The following SLC38A6 variants were observed in gnomAD, a reference collection of about 807,000 sequenced individuals.
SLC38A6 encodes the protein N system amino acid transporter NAT-1.
A neutral mutation model predicts 65.0 loss-of-function variants in SLC38A6; 73 were observed. The ratio of observed to expected loss-of-function variants is 1.12; its 90% CI spans 0.93 to 1.37. The LOEUF is 1.37. Ranked by LOEUF, SLC38A6 falls within the 40% of genes most tolerant of loss-of-function variation. The pLI, the probability that SLC38A6 is intolerant of heterozygous loss-of-function variation, is 0.00. For synonymous variants in SLC38A6, 183 were observed against 178.8 expected, an observed-to-expected ratio of 1.02 and a Z score of -0.19; for missense variants, 561 against 531.1, an observed-to-expected ratio of 1.06 and a Z score of -0.55.
chr14:61,048,124 A>G (rs1388849650), intron 12 of SLC38A6: 1 of 452,794 alleles, frequency 2.2e-6, no homozygotes, highest in Non-Finnish European at 4.4e-6. Context: ...TAACCAAGAA[A>G]AACCTTTGAT....
intron 6 of SLC38A6, among the ~76,000 whole-genome samples, chr14:61,032,780 GT>G (rs538282724): frequency 6.6e-6 from 1 of 151,770 alleles, no homozygotes; most frequent in Admixed American, 6.6e-5. Context: ...ATAAAGGACA[GT>G]TTTTTTCTAG....
At chr14:61,007,320 T>A (rs1481897420) in intron 3 of SLC38A6, among the ~76,000 whole-genome samples, 2 of 149,900 alleles carry the variant, frequency 1.3e-5, no homozygotes, top group Non-Finnish European at 3.0e-5. Flanking sequence ...ACTTTAATAA[T>A]AATAAAATAA....
chr14:61,011,646 G>C (rs1412384795), intron 3 of SLC38A6, among the ~76,000 whole-genome samples: 2 of 152,140 alleles, frequency 1.3e-5, no homozygotes, highest in East Asian at 3.8e-4. Context: ...TAATCATGTG[G>C]TTTTTGTCTT....
intron 3 of SLC38A6, chr14:61,004,551 A>G (rs2038945661): frequency 6.6e-6 from 1 of 152,238 alleles, no homozygotes. Flanking sequence ...AGAGAATACT[A>G]CAAACACCTC....
chr14:61,013,304 A>G (rs2039726180), intron 3 of SLC38A6, among the ~76,000 whole-genome samples: 1 of 152,198 alleles, frequency 6.6e-6, no homozygotes, highest in African/African-American at 2.4e-5. Context: ...GGTCTGCTGA[A>G]TACAGCACAC....
intron 6 of SLC38A6, among the ~76,000 whole-genome samples, chr14:61,031,641 A>G (rs867434642): frequency 2.6e-5 from 4 of 152,038 alleles, no homozygotes; most frequent in Non-Finnish European, 2.9e-5. Flanking sequence ...TATTTTATCT[A>G]CAGCTTTATC....
intron 5 of SLC38A6, among the ~76,000 whole-genome samples, chr14:61,029,759 T>C (rs1226132861): frequency 6.6e-6 from 1 of 152,226 alleles, no homozygotes; most frequent in Non-Finnish European, 1.5e-5. Context: ...TTACATAATA[T>C]AGATGAACCC....
intron 3 of SLC38A6, among the ~76,000 whole-genome samples, chr14:61,004,263 T>C (rs1426267745): frequency 6.6e-6 from 1 of 152,190 alleles, no homozygotes; most frequent in Non-Finnish European, 1.5e-5. Context: ...ATACTTCATT[T>C]TGTTGCATAA....
chr14:60,982,539 C>T lies in SLC38A6; in HGVS notation c.137C>T (p.Ser46Leu). 1.2e-6 allele frequency: 2 copies of T among 1,613,288 alleles called. No individual in the cohort carries two copies. The highest frequency in any genetic ancestry group is 1.7e-6 in the Non-Finnish European group (2 of 1,179,844). The change falls in exon 2 of 16, where the codon TCA becomes TTA. Residue 46 changes from serine (S) to leucine (L), a missense_variant. Ser to Leu is a moderately radical substitution (Grantham distance 145). Coordinates refer to ENST00000267488, the MANE Select transcript of SLC38A6 (RefSeq NM_153811.3). The part of the protein sequence containing the change: ...ELHRQRSPGV[S>L]FGLSVFNLMN... ...CACAGACAGCGATCCCCAGGTGTTT[C>T]ATTTGGTTTATCAGTGTTTAATTTG...
Position 60,981,399 on chromosome 14 carries a change from C to T in SLC38A6, c.105+17C>T. The T allele has an allele frequency of 6.4e-7, 1 of 1,569,338 alleles. No individual in the cohort carries two copies. On this transcript the variant is annotated intron_variant, in intron 1 of 15. Transcript: ENST00000267488. ...CTAAGCAACGTAAGTGGGCTGTGTT[C>T]GCTTCCCCGCGCTGACGCCCTCCGG...
At chr14:61,057,948 T>C (rs1369811830) in intron 15 of SLC38A6, among the ~76,000 whole-genome samples, 2 of 136,494 alleles carry the variant, frequency 1.5e-5, no homozygotes, top group East Asian at 2.4e-4. Context: ...TTTGTATTTC[T>C]GTGGGATCGG....
chr14:61,080,464 A>G (rs939057840), intron 16 of SLC38A6, among the ~76,000 whole-genome samples: 2 of 152,196 alleles, frequency 1.3e-5, no homozygotes, highest in Admixed American at 6.5e-5. Context: ...CCAAAAATAT[A>G]TCTTACACTG....
At chr14:61,072,420 A>G (rs1312064826) in intron 15 of SLC38A6, among the ~76,000 whole-genome samples, 1 of 152,164 alleles carries the variant, frequency 6.6e-6, no homozygotes, top group African/African-American at 2.4e-5. Context: ...TGTGCGATTA[A>G]GTAATTATTG....
chr14:61,035,595 T>G (rs536251446), intron 6 of SLC38A6, among the ~76,000 whole-genome samples: 1 of 152,290 alleles, frequency 6.6e-6, no homozygotes, highest in Non-Finnish European at 1.5e-5. Flanking sequence ...TTCCAAGAGA[T>G]AGTACTAATT....
chr14:60,997,194 T>C (rs1286001882), intron 3 of SLC38A6, among the ~76,000 whole-genome samples: 1 of 152,076 alleles, frequency 6.6e-6, no homozygotes, highest in African/African-American at 2.4e-5. Context: ...TGGTGTAATC[T>C]TGGCTCACTG....
chr14:61,063,084 A>G (rs765009203), intron 15 of SLC38A6, among the ~76,000 whole-genome samples: 3 of 152,142 alleles, frequency 2.0e-5, no homozygotes, highest in Non-Finnish European at 4.4e-5. Context: ...AAGTGTTTAA[A>G]TGTTCTTAAA....
rs1566715132 is a variant in SLC38A6, at chr14:61,052,598, CA to C, written c.*176del. 1.1e-5 allele frequency: 10 copies of C among 913,816 alleles called. No individual in the cohort carries two copies. The highest frequency in any genetic ancestry group is 6.6e-5 in the South Asian group (2 of 30,226). The allele number at this position is 913,816 out of a possible 1,614,324, so 56.6% of individuals were successfully genotyped here. A position where few individuals can be genotyped will look rare whatever the true frequency, so the allele number is the denominator to read the frequency against. ...GAAGTAAGAGTGTGGCAGTTTTAAT[CA>C]AAAAAAGAAACAAACTCGAAATGCT... is the stretch of plus-strand genomic sequence containing the variant. On this transcript the variant is annotated 3_prime_UTR_variant, in exon 16 of 16. Transcript: ENST00000267488.
chr14:61,052,315 TTCTTA>T (rs2042553598), intron 15 of SLC38A6, 29 bp from the exon 16 acceptor site: 13 of 1,501,756 alleles, frequency 8.7e-6, no homozygotes, highest in Admixed American at 2.2e-5. Context: ...TCTTTTATCT[TTCTTA>T]TCTTTTATCT....
intron 3 of SLC38A6, among the ~76,000 whole-genome samples, chr14:61,009,846 G>T (rs1248347326): frequency 2.6e-5 from 4 of 152,178 alleles, no homozygotes; most frequent in Non-Finnish European, 4.4e-5. Context: ...AAACATACGT[G>T]TGCCTTTGTC....
Sources: gnomAD v4.1 joint callset for allele counts (sites outside exome capture counted in the v4.1 genomes callset) on GRCh38, gnomAD v4.1.1 for gene constraint, MANE v1.5 for transcripts, NCBI Gene and HGNC (gene_info 2026-07-23, HGNC 2026-07-21) for gene names.